The following FAM240A variants were observed in gnomAD, a reference collection of about 807,000 sequenced individuals.
FAM240A encodes the protein family with sequence similarity 240 member A.
A neutral mutation model predicts 7.3 loss-of-function variants in FAM240A; 8 were observed. That is an observed-to-expected ratio of 1.09 (90% confidence interval 0.64 to 1.97). The LOEUF (loss-of-function observed/expected upper bound fraction) is 1.97. FAM240A is among the 30% of genes most tolerant of loss of function. The pLI, the probability that FAM240A is intolerant of heterozygous loss-of-function variation, is 0.00. For synonymous variants in FAM240A, 32 were observed against 35.9 expected (o/e 0.89, Z 0.38); for missense variants, 90 against 102.2 (o/e 0.88, Z 0.52).
intron 2 of FAM240A, 81 bp downstream of exon 2, chr3:46,617,409 C>A: frequency 7.7e-7 from 1 of 1,299,964 alleles, no homozygotes; most frequent in Non-Finnish European, 1.0e-6. Flanking sequence ...TTTAGGTTCA[C>A]AGCAAAATTG....
intron 2 of FAM240A, 38 bp downstream of exon 2, chr3:46,617,366 AT>A: frequency 1.4e-6 from 2 of 1,478,980 alleles, no homozygotes; most frequent in South Asian, 1.3e-5. Flanking sequence ...GAATTAATTA[AT>A]TTTTAAAATA....
At chr3:46,613,491 CTAAATAAATAAA>C (rs148622433) in intron 1 of FAM240A, among the ~76,000 whole-genome samples, 4 of 137,856 alleles carry the variant, frequency 2.9e-5, no homozygotes, top group African/African-American at 8.2e-5. Flanking sequence ...GAAACTCCTT[CTAAATAAATAAA>C]TAAATAAATA....
chr3:46,623,228 T>A (rs1697716876), intron 2 of FAM240A, among the ~76,000 whole-genome samples: 1 of 152,186 alleles, frequency 6.6e-6, no homozygotes, highest in Non-Finnish European at 1.5e-5. Context: ...TTTCCAGATA[T>A]CTTTCTGTTA....
At chr3:46,616,334 G>C (rs766318228) in intron 1 of FAM240A, among the ~76,000 whole-genome samples, 13 of 152,308 alleles carry the variant, frequency 8.5e-5, no homozygotes, top group African/African-American at 1.9e-4. Flanking sequence ...TGGGGGTTCA[G>C]CTTCTATTTT....
Position 46,617,285 on chromosome 3 carries a change from C to G in FAM240A, c.118C>G (p.Arg40Gly). 2 of 1,534,664 alleles carry G rather than the reference C, an allele frequency of 1.3e-6. No homozygotes were observed. Among genetic ancestry groups the G allele is most frequent in the Non-Finnish European group, 1.7e-6 (2 of 1,146,126 alleles). ...EREIGKQTYY[R>G]ESEERRLGRS... ...GGAAATTGGCAAACAGACTTACTAC[C>G]GAGAATCAGAGGAACGTCGTCTGGG... The change falls in exon 2 of 3, where the codon CGA becomes GGA. Residue 40 changes from arginine to glycine, a missense_variant. By Grantham distance (125) the Arg-to-Gly change is moderately radical. Transcript: ENST00000640551.
chr3:46,615,038 T>G (rs144349017), intron 1 of FAM240A, among the ~76,000 whole-genome samples: 1 of 152,292 alleles, frequency 6.6e-6, no homozygotes, highest in East Asian at 1.9e-4. Flanking sequence ...AAATCGGTCT[T>G]CAGAGAAATT....
chr3:46,612,580 T>G lies in FAM240A; in HGVS notation c.-104T>G. On this transcript the variant is annotated 5_prime_UTR_variant, in exon 1 of 3. The change abolishes the stop of an existing upstream ORF in the 5' untranslated region. Transcript: ENST00000640551. The stretch of plus-strand genomic sequence containing the variant: ...GGGACAAATGTTCCTTTGTTCTTGT[T>G]GATTTGCTGAACGTGAATTGGCTCC... 1 of 854,384 alleles carries G rather than the reference T, an allele frequency of 1.2e-6. No individual in the cohort carries two copies. Among genetic ancestry groups the G allele is most frequent in the Non-Finnish European group, 1.9e-6 (1 of 526,398 alleles). The allele number at this position is 854,384 out of a possible 1,614,324, so 52.9% of individuals were successfully genotyped here. A position where few individuals can be genotyped will look rare whatever the true frequency, so the allele number is the denominator to read the frequency against.
rs546223030 is a variant in FAM240A, at chr3:46,619,451, G to C, written c.161+2123G>C. On this transcript the variant is annotated intron_variant, in intron 2 of 2. Transcript: ENST00000640551. Reference sequence around the variant, plus strand: ...GTGTGGGCAGAGGGAGTGCAGACTTGATCTTCTTTCATTAGCAGATGGAGC... The same window carrying C: ...GTGTGGGCAGAGGGAGTGCAGACTTCATCTTCTTTCATTAGCAGATGGAGC... Among the ~76,000 whole-genome samples the C allele has an allele frequency of 9.2e-5, 14 of 152,282 alleles. No homozygotes were observed. The South Asian group carries it at 2.9e-3, about 32-fold the overall frequency.
intron 1 of FAM240A, 60 bp downstream of exon 1, chr3:46,612,758 A>G: frequency 7.3e-7 from 1 of 1,378,474 alleles, no homozygotes; most frequent in Non-Finnish European, 1.0e-6. Context: ...TATGGAGGTT[A>G]TGGTTTGTCC....
At chr3:46,616,015 T>A (rs1206032457) in intron 1 of FAM240A, among the ~76,000 whole-genome samples, 2 of 152,216 alleles carry the variant, frequency 1.3e-5, no homozygotes, top group African/African-American at 4.8e-5. Context: ...GTCATGGCCA[T>A]CTCATGTGGA....
Position 46,625,306 on chromosome 3 carries a change from A to T in FAM240A, c.*88A>T. 1 of 905,120 alleles carries T rather than the reference A, an allele frequency of 1.1e-6. No individual in the cohort carries two copies. The highest frequency in any genetic ancestry group is 1.5e-5 in the South Asian group (1 of 65,554). The allele number at this position is 905,120 out of a possible 1,614,324, so 56.1% of individuals were successfully genotyped here. On this transcript the variant is annotated 3_prime_UTR_variant, in exon 3 of 3. Coordinates refer to ENST00000640551, the MANE Select transcript of FAM240A (RefSeq NM_001195442.2). ...GTGCAAATTCCTGAGTCCCTTTGCT[A>T]TACCAATCAGCTCTCACACTATTGT... is the stretch of plus-strand genomic sequence containing the variant.
chr3:46,617,043 G>C (rs1697637227), intron 1 of FAM240A, 140 bp from the exon 2 acceptor site: 1 of 591,116 alleles, frequency 1.7e-6, no homozygotes, highest in Non-Finnish European at 2.8e-6. Context: ...CTTTTAAACA[G>C]TCAAATTGGA....
At chr3:46,619,796 T>C (rs1697674695) in intron 2 of FAM240A, among the ~76,000 whole-genome samples, 1 of 152,118 alleles carries the variant, frequency 6.6e-6, no homozygotes. Flanking sequence ...TGTAGGAGAA[T>C]GGACAAGAGC....
chr3:46,615,845 T>A (rs904615798), intron 1 of FAM240A, among the ~76,000 whole-genome samples: 2 of 145,796 alleles, frequency 1.4e-5, no homozygotes, highest in Non-Finnish European at 3.1e-5. Context: ...CCCACATGTG[T>A]GCACGCACAC....
rs1254739228 is a variant in FAM240A at position 46,618,872 on chromosome 3, TATATATATATACAC to T, written c.161+1546_161+1559del. ...AAAAAAAGATATATATATATGTATATATATATATATACACACACACACACACACACACACACACA... is the reference window on the plus strand; with the variant it reads ...AAAAAAAGATATATATATATGTATATACACACACACACACACACACACACA... On this transcript the variant is annotated intron_variant, in intron 2 of 2. Transcript: ENST00000640551. Among the ~76,000 whole-genome samples, 19 of 24,244 alleles carry T rather than the reference TATATATATATACAC, an allele frequency of 7.8e-4. 1 individual carries two copies. The highest frequency in any genetic ancestry group is 3.0e-3 in the African/African-American group (18 of 5,924). 15.9% of individuals were successfully genotyped at this position (24,244 alleles called of 152,430 possible). A position where few individuals can be genotyped will look rare whatever the true frequency, so the allele number is the denominator to read the frequency against.
intron 1 of FAM240A, among the ~76,000 whole-genome samples, chr3:46,615,453 C>T (rs979742922): frequency 1.1e-4 from 16 of 152,164 alleles, no homozygotes; most frequent in African/African-American, 3.9e-4. Flanking sequence ...ATCATCTTTG[C>T]CCCTCCCGTC....
At chr3:46,620,581 G>A (rs1263275811) in intron 2 of FAM240A, among the ~76,000 whole-genome samples, 1 of 151,208 alleles carries the variant, frequency 6.6e-6, no homozygotes, top group Non-Finnish European at 1.5e-5. Context: ...AGAGGAATGG[G>A]TTACAGTCAC....
intron 1 of FAM240A, among the ~76,000 whole-genome samples, chr3:46,616,793 A>G (rs953450073): frequency 2.0e-5 from 3 of 151,830 alleles, no homozygotes; most frequent in Admixed American, 6.6e-5. Context: ...TATCTTTGCA[A>G]TTGTGAATTG....
Position 46,617,252 on chromosome 3 carries a change from T to C in FAM240A, c.85T>C (p.Trp29Arg), listed in dbSNP as rs1204364929. Residue 29 changes from tryptophan to arginine, a missense_variant, in exon 2 of 3, where the codon TGG becomes CGG. Trp to Arg is a moderately radical substitution (Grantham distance 101, BLOSUM62 -3). Coordinates refer to ENST00000640551, the MANE Select transcript of FAM240A (RefSeq NM_001195442.2). Reference protein sequence around the residue: ...RNTCHDLKHFWEREIGKQTYY... With the variant: ...RNTCHDLKHFREREIGKQTYY... ...CACCTGCCATGATCTCAAGCATTTC[T>C]GGGAAAGGGAAATTGGCAAACAGAC... 10 of 1,535,564 alleles carry C rather than the reference T, an allele frequency of 6.5e-6. No individual in the cohort carries two copies. The highest frequency in any genetic ancestry group is 7.8e-6 in the Non-Finnish European group (9 of 1,146,610).
Sources: allele counts gnomAD v4.1 joint callset (sites outside exome capture counted in the v4.1 genomes callset), GRCh38; gene constraint gnomAD v4.1.1; transcripts MANE v1.5; gene names NCBI Gene and HGNC (gene_info 2026-07-23, HGNC 2026-07-21).